C16orf96: variants seen among roughly 807,000 people sequenced by gnomAD.
C16orf96 encodes the protein chromosome 16 open reading frame 96.
A neutral mutation model predicts 103.6 loss-of-function variants in C16orf96; 108 were observed. The observed-to-expected ratio is 1.04, with a 90% CI of 0.89 to 1.22. The LOEUF is 1.22. C16orf96 is among the 50% of genes most tolerant of loss of function. The probability of loss-of-function intolerance (pLI) is 0.00; values close to 1 mark genes in which losing one functional copy is unlikely to be tolerated. For missense variants in C16orf96, 1,586 were observed against 1,464.2 expected, an observed-to-expected ratio of 1.08 and a Z score of -1.36; for synonymous variants, 566 against 593.5, an observed-to-expected ratio of 0.95 and a Z score of 0.67.
At chr16:4,578,156 T>C (rs1209111618) in intron 5 of C16orf96, among the ~76,000 whole-genome samples, 1 of 152,148 alleles carries the variant, frequency 6.6e-6, no homozygotes, top group African/African-American at 2.4e-5. Context: ...ATTGTTATTA[T>C]TTTTTGAGAT....
At position 4,588,198 on chromosome 16, in the gene C16orf96, C is replaced by G. The variant is rs1262578062; in HGVS notation, c.2459C>G (p.Ala820Gly). 2 of 1,551,498 alleles carry G rather than the reference C, an allele frequency of 1.3e-6. No individual in the cohort carries two copies. The highest frequency in any genetic ancestry group is 1.7e-6 in the Non-Finnish European group (2 of 1,146,924). Residue 820 changes from alanine to glycine, a missense_variant, in exon 9 of 16, where the codon GCA becomes GGA. Transcript: ENST00000444310. ...KADRSALAGK[A>G]SRVDLETVAL... ...GACAGGAGTGCCCTGGCAGGCAAGG[C>G]AAGCCGCGTTGACCTGGAGACTGTG...
At chr16:4,596,673 C>T (rs754156558) in intron 14 of C16orf96, among the ~76,000 whole-genome samples, 7 of 117,038 alleles carry the variant, frequency 6.0e-5, no homozygotes, top group Non-Finnish European at 1.3e-4. Context: ...CAGAGCCAGG[C>T]CCTGTCTCAA....
upstream of C16orf96, among the ~76,000 whole-genome samples, chr16:4,555,327 T>TG (rs1360519484): frequency 7.5e-5 from 6 of 79,628 alleles, no homozygotes; most frequent in Admixed American, 3.9e-4. Flanking sequence ...AATGGAACAC[T>TG]GTGGGGGGCC....
chr16:4,543,745 G>T, the C16orf96 span, among the ~76,000 whole-genome samples: 491 of 152,154 alleles, frequency 3.2e-3, 2 homozygotes, highest in African/African-American at 0.011. Context: ...CTTGGCAAGC[G>T]ATTCTTCTGC....
chr16:4,576,330 T>C lies in C16orf96; in HGVS notation c.1850T>C (p.Leu617Pro), dbSNP rs1309708965. The change falls in exon 5 of 16, where the codon CTA becomes CCA. Residue 617 changes from leucine (L) to proline (P), a missense_variant. Leu to Pro is a moderately conservative substitution (Grantham distance 98). Coordinates refer to ENST00000444310, the MANE Select transcript of C16orf96 (RefSeq NM_001145011.2). ...IATDTAAAGP[L>P]GVFADVLGAG... ...ACAGACACGGCTGCAGCTGGGCCCCTAGGGGTCTTTGCAGATGTCCTGGGT... is the reference window on the plus strand; with the variant it reads ...ACAGACACGGCTGCAGCTGGGCCCCCAGGGGTCTTTGCAGATGTCCTGGGT... 1 of 1,550,622 alleles carries C rather than the reference T, an allele frequency of 6.4e-7. No individual in the cohort carries two copies. The highest frequency in any genetic ancestry group is 1.4e-5 in the African/African-American group (1 of 73,062).
intron 7 of C16orf96, among the ~76,000 whole-genome samples, chr16:4,583,572 T>C (rs1444695579): frequency 6.6e-6 from 1 of 151,868 alleles, no homozygotes; most frequent in Non-Finnish European, 1.5e-5. Flanking sequence ...GTATTACCAA[T>C]AGTTAAAGAA....
intron 15 of C16orf96, among the ~76,000 whole-genome samples, chr16:4,599,733 C>T (rs1221728908): frequency 2.0e-5 from 3 of 152,360 alleles, no homozygotes; most frequent in Admixed American, 6.5e-5. Context: ...TCCTGTGAGG[C>T]AGGCACTGTT....
Position 4,593,335 on chromosome 16 carries a change from C to A in C16orf96, c.2867+19C>A. On this transcript the variant is annotated intron_variant, in intron 12 of 15. Coordinates refer to ENST00000444310, the MANE Select transcript of C16orf96 (RefSeq NM_001145011.2). The surrounding 1 kb of genome is among the most constrained non-coding windows in gnomAD (Gnocchi z 4.2). ...AGATGAGGTGAGCAGGATGGGCGCC[C>A]CGCAGGGAGGCCGCCCCGCATGGAG... is the stretch of plus-strand genomic sequence containing the variant. 1 of 1,548,142 alleles carries A rather than the reference C, an allele frequency of 6.5e-7. No individual in the cohort carries two copies. Among genetic ancestry groups the A allele is most frequent in the South Asian group, 1.2e-5 (1 of 83,856 alleles).
At chr16:4,553,311 C>T (rs1261348116), upstream of C16orf96, among the ~76,000 whole-genome samples, 1 of 152,220 alleles carries the variant, frequency 6.6e-6, no homozygotes, top group African/African-American at 2.4e-5. Context: ...TTTTCCTGGA[C>T]TCTTGCTCCC....
At chr16:4,543,495 A>C in the C16orf96 span, among the ~76,000 whole-genome samples, 1 of 152,030 alleles carries the variant, frequency 6.6e-6, no homozygotes, top group Non-Finnish European at 1.5e-5. Flanking sequence ...TAATTAATTA[A>C]TTTATATTAA....
At chr16:4,549,869 C>T in the C16orf96 span, among the ~76,000 whole-genome samples, 12 of 152,258 alleles carry the variant, frequency 7.9e-5, no homozygotes, top group African/African-American at 9.6e-5. Flanking sequence ...GACTCCCCTT[C>T]GCCTTCCACA....
At chr16:4,541,058 T>C in the C16orf96 span, among the ~76,000 whole-genome samples, 1 of 151,864 alleles carries the variant, frequency 6.6e-6, no homozygotes, top group Non-Finnish European at 1.5e-5. Flanking sequence ...GGACTATAGG[T>C]ACCTGCTACC....
At chr16:4,562,931 A>C (rs774021911) in intron 1 of C16orf96, 9 of 1,405,676 alleles carry the variant, frequency 6.4e-6, no homozygotes, top group Middle Eastern at 2.5e-4. Context: ...GATCCATCCA[A>C]TATTCTCCAA....
the C16orf96 span, among the ~76,000 whole-genome samples, chr16:4,542,059 G>A: frequency 7.5e-4 from 114 of 152,302 alleles, 1 homozygote; most frequent in Middle Eastern, 0.01. Flanking sequence ...AAGGCTGGGC[G>A]ACCAGCACAT....
chr16:4,564,018 T>C, intron 1 of C16orf96, among the ~76,000 whole-genome samples: 1 of 149,910 alleles, frequency 6.7e-6, no homozygotes, highest in East Asian at 2.0e-4. Flanking sequence ...GCCAACATGG[T>C]GAAATCCCGT....
Position 4,588,389 on chromosome 16 carries a change from C to G in C16orf96, c.2592+58C>G, listed in dbSNP as rs1896978894. The G allele has an allele frequency of 2.7e-6, 4 of 1,493,018 alleles. No homozygotes were observed. In the African/African-American group the frequency reaches 4.2e-5, roughly 16 times the overall value. 92.5% of individuals were successfully genotyped at this position (1,493,018 alleles called of 1,614,324 possible). On this transcript the variant is annotated intron_variant, in intron 9 of 15. Coordinates refer to ENST00000444310, the MANE Select transcript of C16orf96 (RefSeq NM_001145011.2). ...CCTAACAAATTAACCCAGAACTTAG[C>G]AACTGCAAACAACAAACGTTTTCAG...
intron 10 of C16orf96, among the ~76,000 whole-genome samples, chr16:4,592,079 G>T: frequency 6.6e-6 from 1 of 152,202 alleles, no homozygotes; most frequent in East Asian, 1.9e-4. Context: ...CAATATTTAT[G>T]GGGCTCCTGT....
chr16:4,556,837 G>T lies in C16orf96; in HGVS notation c.348G>T (p.Arg116=), dbSNP rs987953950. ...TGGAAGCCAGCCAGGGCACTGCCCGGCCCGTCCAGGACCTGTGGCATCTGA... is the reference window on the plus strand; with the variant it reads ...TGGAAGCCAGCCAGGGCACTGCCCGTCCCGTCCAGGACCTGTGGCATCTGA... ...QLLEASQGTA[R]PVQDLWHLIK... is the part of the protein sequence containing the mutation. The change falls in exon 1 of 16, where the codon CGG becomes CGT. Residue 116 remains arginine (R), a synonymous_variant. Coordinates refer to ENST00000444310, the MANE Select transcript of C16orf96 (RefSeq NM_001145011.2). 17 of 1,551,610 alleles carry T rather than the reference G, an allele frequency of 1.1e-5. No individual in the cohort carries two copies. The African/African-American group carries it at 1.4e-4, about 12-fold the overall frequency.
Position 4,593,162 on chromosome 16 carries a change from C to T in C16orf96, c.2775-62C>T, listed in dbSNP as rs566576248. 155 of 1,471,344 alleles carry T rather than the reference C, an allele frequency of 1.1e-4. No homozygotes were observed. Among genetic ancestry groups the T allele is most frequent in the Middle Eastern group, 1.7e-4 (1 of 5,820 alleles). 91.1% of individuals were successfully genotyped at this position (1,471,344 alleles called of 1,614,324 possible). A position where few individuals can be genotyped will look rare whatever the true frequency, so the allele number is the denominator to read the frequency against. ...GAAGGCTTCCTGGAGGGGTGGGAGA[C>T]GAGCCCTCTGCTGGCCTAGCACGCC... On this transcript the variant is annotated intron_variant, in intron 11 of 15. Coordinates refer to ENST00000444310, the MANE Select transcript of C16orf96 (RefSeq NM_001145011.2). This position sits in a 1 kb window ranked among gnomAD's most constrained non-coding sequence, Gnocchi z 4.2.
Sources: allele counts gnomAD v4.1 joint callset (sites outside exome capture counted in the v4.1 genomes callset), GRCh38; gene constraint gnomAD v4.1.1; non-coding constraint Gnocchi (gnomAD v3.1); transcripts MANE v1.5; gene names NCBI Gene and HGNC (gene_info 2026-07-23, HGNC 2026-07-21).